The following BMPR1B variants were observed in gnomAD, a reference collection of about 807,000 sequenced individuals.
The protein encoded by BMPR1B is bone morphogenetic protein receptor type 1B, also known as bone morphogenetic protein receptor type-1B.
A neutral mutation model predicts 59.1 loss-of-function variants in BMPR1B; 12 were observed. The observed-to-expected ratio is 0.20, with a 90% CI of 0.13 to 0.33. The LOEUF is 0.33. Among genes scored for constraint, BMPR1B ranks in the 10% least tolerant of loss-of-function variants. BMPR1B has a pLI of 1.00. For missense variants in BMPR1B, 550 were observed against 610.9 expected, an observed-to-expected ratio of 0.90 and a Z score of 1.05; for synonymous variants, 237 against 207.3, an observed-to-expected ratio of 1.14 and a Z score of -1.23.
chr4:94,961,192 G>T (rs1730338810), intron 2 of BMPR1B, among the ~76,000 whole-genome samples: 1 of 152,132 alleles, frequency 6.6e-6, no homozygotes, highest in Non-Finnish European at 1.5e-5. Flanking sequence ...GCTGTATCTG[G>T]TTCAGGAGTC....
At position 95,131,436 on chromosome 4, in the gene BMPR1B, A is replaced by C; in HGVS notation, c.1000A>C (p.Lys334Gln). The C allele has an allele frequency of 6.2e-7, 1 of 1,614,108 alleles. No homozygotes were observed. Among genetic ancestry groups the C allele is most frequent in the Non-Finnish European group, 8.5e-7 (1 of 1,180,004 alleles). The change falls in exon 10 of 13, where the codon AAA (lysine) becomes CAA (glutamine). Residue 334 changes from lysine to glutamine, a missense_variant. Physicochemically the swap from Lys to Gln is moderately conservative, Grantham distance 53. This residue lies in a region of BMPR1B where 318 missense variants were observed against 284.6 expected (regional missense o/e 1.12). Transcript: ENST00000515059. Reference sequence around the variant, plus strand: ...ACCAGCAATTGCCCATCGAGATCTGAAAAGTAAAAACATTCTGGTGAAGAA... The same window carrying C: ...ACCAGCAATTGCCCATCGAGATCTGCAAAGTAAAAACATTCTGGTGAAGAA... ...GKPAIAHRDLKSKNILVKKNG... is the reference protein window; with the variant it reads ...GKPAIAHRDLQSKNILVKKNG...
intron 3 of BMPR1B, among the ~76,000 whole-genome samples, chr4:95,020,619 A>T (rs17404327): frequency 0.27 from 40,585 of 151,004 alleles, 6,388 homozygotes; most frequent in South Asian, 0.42. Context: ...CAAAATGTTA[A>T]TGTTAATATT....
At chr4:95,100,772 T>A (rs1318590977) in intron 3 of BMPR1B, among the ~76,000 whole-genome samples, 1 of 152,212 alleles carries the variant, frequency 6.6e-6, no homozygotes, top group African/African-American at 2.4e-5. Context: ...TCAGCTCACC[T>A]GCTGGGATTT....
At chr4:95,140,290 C>T (rs1359293194) in intron 10 of BMPR1B, among the ~76,000 whole-genome samples, 1 of 152,128 alleles carries the variant, frequency 6.6e-6, no homozygotes, top group Non-Finnish European at 1.5e-5. Context: ...TAAATGATTC[C>T]ATATGGAACA....
rs1028806993 is a variant in BMPR1B at position 95,128,508 on chromosome 4, T to A, written c.586-1354T>A. Among the ~76,000 whole-genome samples the A allele has an allele frequency of 5.9e-5, 9 of 152,286 alleles. No individual in the cohort carries two copies. In the East Asian group the frequency reaches 1.7e-3, roughly 29 times the overall value. On this transcript the variant is annotated intron_variant, in intron 8 of 12. Coordinates refer to ENST00000515059, the MANE Select transcript of BMPR1B (RefSeq NM_001203.3). The stretch of plus-strand genomic sequence containing the variant: ...TCAAATATTTTACTGTAAGTACAGA[T>A]GTGATGAAGATCATATATAAAGAGA...
intron 1 of BMPR1B, among the ~76,000 whole-genome samples, chr4:94,868,399 G>T (rs60447645): frequency 0.038 from 5,730 of 152,098 alleles, 346 homozygotes; most frequent in African/African-American, 0.13. Context: ...TTGAACTCCT[G>T]ACCTCAAATG....
intron 3 of BMPR1B, among the ~76,000 whole-genome samples, chr4:95,052,606 T>G (rs991070918): frequency 2.0e-5 from 3 of 152,114 alleles, no homozygotes; most frequent in Admixed American, 2.0e-4. Flanking sequence ...AGAACTAACT[T>G]GGCTGTACTG....
intron 1 of BMPR1B, among the ~76,000 whole-genome samples, chr4:94,831,360 T>TA (rs1258715647): frequency 6.6e-6 from 1 of 152,158 alleles, no homozygotes; most frequent in Admixed American, 6.5e-5. Flanking sequence ...GTCAGAAAGT[T>TA]ACAAAATTAT....
At chr4:94,842,450 C>T (rs547571399) in intron 1 of BMPR1B, among the ~76,000 whole-genome samples, 1 of 151,996 alleles carries the variant, frequency 6.6e-6, no homozygotes, top group South Asian at 2.1e-4. Flanking sequence ...AAATATTTTC[C>T]ACTTTAAAGG....
At chr4:95,119,115 A>G (rs1168141507) in intron 6 of BMPR1B, among the ~76,000 whole-genome samples, 1 of 152,188 alleles carries the variant, frequency 6.6e-6, no homozygotes, top group Admixed American at 6.5e-5. Context: ...GAAAAGTATT[A>G]TGTGTTCATA....
chr4:94,916,334 A>G (rs919530880), intron 2 of BMPR1B, among the ~76,000 whole-genome samples: 1 of 152,188 alleles, frequency 6.6e-6, no homozygotes, highest in Non-Finnish European at 1.5e-5. Flanking sequence ...TAGTTAAATG[A>G]TGGTGACCAA....
intron 1 of BMPR1B, among the ~76,000 whole-genome samples, chr4:94,858,085 A>G (rs1725837168): frequency 6.6e-6 from 1 of 150,672 alleles, no homozygotes; most frequent in Non-Finnish European, 1.5e-5. Context: ...AGCTGGGACT[A>G]CAGGTGCCCA....
intron 3 of BMPR1B, among the ~76,000 whole-genome samples, chr4:95,102,962 G>T (rs550340271): frequency 6.6e-6 from 1 of 152,180 alleles, no homozygotes; most frequent in Admixed American, 6.5e-5. Flanking sequence ...GCTGGGGTGG[G>T]ATTCTGCATA....
At chr4:94,792,697 A>G (rs961565994) in intron 1 of BMPR1B, among the ~76,000 whole-genome samples, 11 of 152,134 alleles carry the variant, frequency 7.2e-5, no homozygotes, top group Non-Finnish European at 7.4e-5. Context: ...TGCTAGAGAG[A>G]TGACTTTTTA....
At chr4:95,051,178 C>G (rs1578994028) in intron 3 of BMPR1B, among the ~76,000 whole-genome samples, 1 of 152,294 alleles carries the variant, frequency 6.6e-6, no homozygotes, top group Middle Eastern at 3.4e-3. Context: ...TAACACAATA[C>G]TTTGATCTGT....
chr4:94,830,824 C>T (rs1724555749), intron 1 of BMPR1B, among the ~76,000 whole-genome samples: 1 of 152,128 alleles, frequency 6.6e-6, no homozygotes, highest in Non-Finnish European at 1.5e-5. Context: ...ACACGTTACT[C>T]ACCTGTTCAT....
chr4:95,023,423 C>T (rs1265226017), intron 3 of BMPR1B, among the ~76,000 whole-genome samples: 1 of 152,146 alleles, frequency 6.6e-6, no homozygotes, highest in Non-Finnish European at 1.5e-5. Context: ...GCTCTGTCAT[C>T]CAGCCTAGAG....
intron 1 of BMPR1B, among the ~76,000 whole-genome samples, chr4:94,799,112 A>G (rs1209974019): frequency 6.7e-6 from 1 of 149,708 alleles, no homozygotes; most frequent in Non-Finnish European, 1.5e-5. Context: ...GCTAGCCCTC[A>G]TAGTATACTT....
intron 7 of BMPR1B, 71 bp from the exon 8 acceptor site, chr4:95,124,912 T>C (rs1732791468): frequency 5.6e-6 from 8 of 1,432,578 alleles, no homozygotes; most frequent in Non-Finnish European, 7.9e-6. Context: ...GTGATTACCA[T>C]TTTAGTTGCA....
Sources: gnomAD v4.1 joint callset for allele counts (sites outside exome capture counted in the v4.1 genomes callset) on GRCh38, gnomAD v4.1.1 for gene constraint, gnomAD v4.1.1 regional missense constraint, MANE v1.5 for transcripts, NCBI Gene and HGNC (gene_info 2026-07-23, HGNC 2026-07-21) for gene names.